The following KRT7 variants were observed in gnomAD, a reference collection of about 807,000 sequenced individuals.
The protein encoded by KRT7 is keratin, type II cytoskeletal 7.
A neutral mutation model predicts 42.8 loss-of-function variants in KRT7; 50 were observed. That is an observed-to-expected ratio of 1.17 (90% CI 0.93 to 1.48). KRT7 has a LOEUF of 1.48. KRT7 is among the 40% of genes most tolerant of loss of function. The pLI is 0.00. For synonymous variants in KRT7, 268 were observed against 266.3 expected, an observed-to-expected ratio of 1.01 and a Z score of -0.06; for missense variants, 588 against 637.6, an observed-to-expected ratio of 0.92 and a Z score of 0.84.
intron 1 of KRT7, among the ~76,000 whole-genome samples, chr12:52,234,744 G>C (rs1379262084): frequency 6.6e-6 from 1 of 152,186 alleles, no homozygotes; most frequent in East Asian, 1.9e-4. Flanking sequence ...GCTGGAGAAA[G>C]GGGAAGGAGA....
At chr12:52,237,720 G>C in intron 3 of KRT7, 151 bp downstream of exon 3, 2 of 547,150 alleles carry the variant, frequency 3.7e-6, no homozygotes, top group East Asian at 6.1e-5. Flanking sequence ...TCCTGTGGGT[G>C]CGTGTATGTG....
downstream of KRT7, chr12:52,252,292 T>C: frequency 1.9e-6 from 3 of 1,614,020 alleles, no homozygotes; most frequent in Non-Finnish European, 2.5e-6. Flanking sequence ...CAGGCGCCTG[T>C]AGGTGGCGAT....
intron 2 of KRT7, among the ~76,000 whole-genome samples, chr12:52,236,354 G>T (rs11170057): frequency 0.2 from 30,745 of 150,930 alleles, 3,338 homozygotes; most frequent in Middle Eastern, 0.27. Context: ...TGCATACCTG[G>T]TGCCCACCCC....
At chr12:52,255,066 A>T (rs1942319639), downstream of KRT7, among the ~76,000 whole-genome samples, 2 of 152,194 alleles carry the variant, frequency 1.3e-5, no homozygotes, top group East Asian at 3.8e-4. Context: ...AGGAGGTGAA[A>T]ATCTGGTGGC....
chr12:52,252,163 C>T (rs1942274353), downstream of KRT7: 9 of 1,448,078 alleles, frequency 6.2e-6, no homozygotes, highest in African/African-American at 5.6e-5. Flanking sequence ...ATGCACATTC[C>T]AAGTAAATAA....
In KRT7 at chr12:52,235,113, G is replaced by C. The variant is rs529339761; in HGVS notation, c.325-42G>C. ...TCCTCAATCCCGCTGTGGGTGGCAC[G>C]CTCTGGCTCCTCTTGAGTTTCCTCC... On this transcript the variant is annotated intron_variant, in intron 1 of 8. Coordinates refer to ENST00000331817, the MANE Select transcript of KRT7 (RefSeq NM_005556.4). The C allele has an allele frequency of 4.4e-6, 7 of 1,589,840 alleles. No homozygotes were observed. In the South Asian group the frequency reaches 7.7e-5, roughly 18 times the overall value.
chr12:52,236,862 G>A (rs532365092), intron 2 of KRT7, among the ~76,000 whole-genome samples: 55 of 152,204 alleles, frequency 3.6e-4, no homozygotes, highest in Non-Finnish European at 6.5e-4. Flanking sequence ...AGTGATGGGA[G>A]CTATGGGAGG....
At chr12:52,247,955 C>T (rs1942200484) in intron 7 of KRT7, 1 of 585,758 alleles carries the variant, frequency 1.7e-6, no homozygotes. Context: ...GGCCCTGAGA[C>T]ATTGCCTGGG....
chr12:52,248,516 TGGG>T (rs1942212198), intron 8 of KRT7, 72 bp from the exon 9 acceptor site: 3 of 1,393,528 alleles, frequency 2.2e-6, no homozygotes, highest in Non-Finnish European at 2.9e-6. Flanking sequence ...GGCAGGAGGG[TGGG>T]GTGCAGTGAA....
chr12:52,253,524 A>C, downstream of KRT7: 1 of 1,590,578 alleles, frequency 6.3e-7, no homozygotes, highest in Non-Finnish European at 8.6e-7. Flanking sequence ...AATCCCCAGA[A>C]AAGGAAGCCT....
chr12:52,255,310 C>A (rs868479381), downstream of KRT7: 76 of 456,728 alleles, frequency 1.7e-4, no homozygotes, highest in Middle Eastern at 3.6e-3. Context: ...TCTCTGGCCT[C>A]CATTCTGAGT....
intron 2 of KRT7, among the ~76,000 whole-genome samples, chr12:52,236,142 C>T (rs1942008713): frequency 6.6e-6 from 1 of 151,808 alleles, no homozygotes; most frequent in African/African-American, 2.4e-5. Flanking sequence ...TGTGACTAAG[C>T]AGGAGTCACA....
At position 52,233,331 on chromosome 12, in the gene KRT7, C is replaced by A. The variant is rs754875031; in HGVS notation, c.35C>A (p.Ser12Ter). Reference protein sequence around the residue: ...SIHFSSPVFTSRSAAFSGRGA... With the variant: ...SIHFSSPVFT ...CACTTCAGCTCCCCGGTATTCACCT[C>A]GCGCTCAGCCGCCTTCTCGGGCCGC... The change falls in exon 1 of 9, where the codon TCG becomes TAG. Residue 12 changes from serine to a stop codon, truncating the protein, a stop_gained. Transcript: ENST00000331817. LOFTEE classifies it high-confidence loss of function. 1.3e-6 allele frequency: 2 copies of A among 1,570,368 alleles called. No individual in the cohort carries two copies. The highest frequency in any genetic ancestry group is 1.7e-6 in the Non-Finnish European group (2 of 1,163,754).
intron 7 of KRT7, chr12:52,246,268 T>A (rs972930677): frequency 6.6e-6 from 1 of 152,274 alleles, no homozygotes; most frequent in African/African-American, 2.4e-5. Context: ...TATTGTTGGG[T>A]TCGAACTCAA....
intron 1 of KRT7, among the ~76,000 whole-genome samples, chr12:52,234,664 T>C (rs1487245002): frequency 6.6e-6 from 1 of 152,142 alleles, no homozygotes; most frequent in Non-Finnish European, 1.5e-5. Context: ...TCATACCGGC[T>C]ACTCCTTAAG....
At chr12:52,249,254 A>G (rs1942227826), downstream of KRT7, 1 of 152,446 alleles carries the variant, frequency 6.6e-6, no homozygotes, top group Admixed American at 6.5e-5. Flanking sequence ...GCCAGAGCAC[A>G]TTCCTTTTGT....
Position 52,245,650 on chromosome 12 carries a change from G to A in KRT7, c.1205+18G>A, listed in dbSNP as rs756753095. ...GAGAGCCGGTGAGGACAAGGAACCT[G>A]GAAAGGGGATGCTTCTAGGGCTCCG... On this transcript the variant is annotated intron_variant, in intron 7 of 8. Coordinates refer to ENST00000331817, the MANE Select transcript of KRT7 (RefSeq NM_005556.4). 6.2e-7 allele frequency: 1 copy of A among 1,612,924 alleles called. No individual in the cohort carries two copies. Among genetic ancestry groups the A allele is most frequent in the Non-Finnish European group, 8.5e-7 (1 of 1,179,958 alleles).
chr12:52,235,130 G>A lies in KRT7; in HGVS notation c.325-25G>A, dbSNP rs141814357. ...GGTGGCACGCTCTGGCTCCTCTTGA[G>A]TTTCCTCCTTCTCGCCCGTTCTAGG... On this transcript the variant is annotated intron_variant, in intron 1 of 8. Coordinates refer to ENST00000331817, the MANE Select transcript of KRT7 (RefSeq NM_005556.4). The A allele has an allele frequency of 5.5e-4, 880 of 1,612,178 alleles. 2 individuals are homozygous for A. The African/African-American group carries it at 0.011, about 20-fold the overall frequency.
intron 2 of KRT7, among the ~76,000 whole-genome samples, chr12:52,235,803 G>C (rs889078975): frequency 6.6e-6 from 1 of 152,196 alleles, no homozygotes; most frequent in African/African-American, 2.4e-5. Flanking sequence ...AGCTCACACT[G>C]CAAAGGTCAC....
Sources: allele counts gnomAD v4.1 joint callset (sites outside exome capture counted in the v4.1 genomes callset), GRCh38; gene constraint gnomAD v4.1.1; transcripts MANE v1.5; gene names NCBI Gene and HGNC (gene_info 2026-07-23, HGNC 2026-07-21).